The following GPC5 variants were observed in gnomAD, a reference collection of about 807,000 sequenced individuals.
GPC5 encodes glypican 5.
GPC5 carries 47 observed loss-of-function variants against 53.9 expected under a neutral mutation model. That is an observed-to-expected ratio of 0.87 (90% CI 0.69 to 1.11). GPC5 has a LOEUF of 1.11. Ranked by LOEUF, GPC5 falls within the 50% of genes most tolerant of loss-of-function variation. The pLI, the probability that GPC5 is intolerant of heterozygous loss-of-function variation, is 0.00. For missense variants in GPC5, 748 were observed against 713.1 expected (o/e 1.05, Z -0.56); for synonymous variants, 286 against 263.3 (o/e 1.09, Z -0.84).
intron 7 of GPC5, among the ~76,000 whole-genome samples, chr13:92,592,624 G>C (rs991133651): frequency 4.6e-5 from 7 of 151,266 alleles, no homozygotes; most frequent in Middle Eastern, 3.3e-3. Flanking sequence ...GAAAAATGAA[G>C]GGACTGAAAA....
intron 7 of GPC5, chr13:92,509,808 C>T (rs1180898): frequency 1.3e-5 from 2 of 151,948 alleles, no homozygotes; most frequent in Non-Finnish European, 2.9e-5. Flanking sequence ...TCAACATGGG[C>T]GCAATGAGAG....
intron 6 of GPC5, among the ~76,000 whole-genome samples, chr13:92,037,180 C>T (rs951079251): frequency 3.9e-5 from 6 of 151,996 alleles, no homozygotes; most frequent in East Asian, 3.8e-4. Context: ...ATGATGTCTG[C>T]GTGCACACAC....
chr13:91,812,041 G>A (rs748220303), intron 5 of GPC5, among the ~76,000 whole-genome samples: 1 of 152,144 alleles, frequency 6.6e-6, no homozygotes, highest in African/African-American at 2.4e-5. Context: ...ATAAAGTGGC[G>A]GGTAGTACCT....
At chr13:91,594,406 A>G (rs2032916173) in intron 2 of GPC5, among the ~76,000 whole-genome samples, 1 of 152,192 alleles carries the variant, frequency 6.6e-6, no homozygotes, top group South Asian at 2.1e-4. Context: ...TTTGATAGAA[A>G]ACAGAAATGA....
intron 6 of GPC5, among the ~76,000 whole-genome samples, chr13:92,069,716 A>G (rs1399711775): frequency 6.6e-6 from 1 of 152,146 alleles, no homozygotes; most frequent in Non-Finnish European, 1.5e-5. Context: ...GTATAAGATC[A>G]TGACTATCAA....
At chr13:92,216,847 C>T (rs2042413806) in intron 7 of GPC5, among the ~76,000 whole-genome samples, 2 of 152,090 alleles carry the variant, frequency 1.3e-5, no homozygotes, top group African/African-American at 4.8e-5. Context: ...GGCGTGGTGG[C>T]GTACACCTGT....
intron 7 of GPC5, among the ~76,000 whole-genome samples, chr13:92,394,967 G>A (rs1875192157): frequency 6.6e-6 from 1 of 152,052 alleles, no homozygotes; most frequent in African/African-American, 2.4e-5. Context: ...CATTTATTGG[G>A]TTAAATTTTT....
intron 7 of GPC5, among the ~76,000 whole-genome samples, chr13:92,322,678 G>A (rs986074727): frequency 1.3e-5 from 2 of 152,058 alleles, no homozygotes; most frequent in East Asian, 1.9e-4. Flanking sequence ...AATATCTTAA[G>A]TAGAAATATA....
At chr13:92,459,280 C>G (rs1878390486) in intron 7 of GPC5, among the ~76,000 whole-genome samples, 1 of 152,134 alleles carries the variant, frequency 6.6e-6, no homozygotes, top group African/African-American at 2.4e-5. Context: ...TAATGGTAGG[C>G]AAGCTATGAG....
At chr13:91,627,924 T>A (rs1416053221) in intron 2 of GPC5, among the ~76,000 whole-genome samples, 1 of 152,164 alleles carries the variant, frequency 6.6e-6, no homozygotes, top group African/African-American at 2.4e-5. Context: ...TTAGGGAAAT[T>A]GAGTTTATCT....
chr13:91,619,296 C>G (rs2033787273), intron 2 of GPC5, among the ~76,000 whole-genome samples: 1 of 151,986 alleles, frequency 6.6e-6, no homozygotes, highest in South Asian at 2.1e-4. Flanking sequence ...AAAACATGTC[C>G]AAGACCCATT....
chr13:92,597,315 C>T (rs750502069), intron 7 of GPC5, among the ~76,000 whole-genome samples: 53 of 151,268 alleles, frequency 3.5e-4, no homozygotes, highest in Non-Finnish European at 2.9e-4. Context: ...TCCTAATGCT[C>T]ATTTGGAGAA....
intron 7 of GPC5, among the ~76,000 whole-genome samples, chr13:92,331,073 A>AT (rs1289942811): frequency 6.6e-6 from 1 of 152,118 alleles, no homozygotes; most frequent in Non-Finnish European, 1.5e-5. Flanking sequence ...GTCTAAATAG[A>AT]TTTTTTTAAA....
chr13:92,385,556 G>A (rs960114012), intron 7 of GPC5, among the ~76,000 whole-genome samples: 8 of 135,950 alleles, frequency 5.9e-5, no homozygotes, highest in African/African-American at 1.9e-4. Flanking sequence ...ATACATATAT[G>A]CATATATACA....
intron 7 of GPC5, among the ~76,000 whole-genome samples, chr13:92,380,916 G>GA (rs890659343): frequency 6.1e-5 from 9 of 146,700 alleles, no homozygotes; most frequent in South Asian, 2.3e-4. Context: ...AATAATAAAA[G>GA]AAAAAAAAGA....
At chr13:91,895,585 C>T (rs1421593914) in intron 5 of GPC5, among the ~76,000 whole-genome samples, 1 of 151,188 alleles carries the variant, frequency 6.6e-6, no homozygotes, top group Non-Finnish European at 1.5e-5. Flanking sequence ...AGAACCATCC[C>T]TTTTGGCCTT....
chr13:92,189,184 G>T (rs2042204945), intron 7 of GPC5, among the ~76,000 whole-genome samples: 1 of 152,146 alleles, frequency 6.6e-6, no homozygotes, highest in Non-Finnish European at 1.5e-5. Flanking sequence ...CAGCAGGAAG[G>T]GGAGAAAAGG....
chr13:92,325,647 A>G (rs1464652952), intron 7 of GPC5, among the ~76,000 whole-genome samples: 3 of 152,124 alleles, frequency 2.0e-5, no homozygotes, highest in Non-Finnish European at 4.4e-5. Context: ...TAGTAGAGCC[A>G]CACAATGGAA....
At chr13:92,797,562 A>T (rs1320476445) in intron 7 of GPC5, among the ~76,000 whole-genome samples, 1 of 151,872 alleles carries the variant, frequency 6.6e-6, no homozygotes, top group Non-Finnish European at 1.5e-5. Flanking sequence ...CTCACCTTAA[A>T]TTATGTTCTG....
Sources: gnomAD v4.1 joint callset for allele counts (sites outside exome capture counted in the v4.1 genomes callset) on GRCh38, gnomAD v4.1.1 for gene constraint, MANE v1.5 for transcripts, NCBI Gene and HGNC (gene_info 2026-07-23, HGNC 2026-07-21) for gene names.